Variants in SMYD5 observed in about 807,000 individuals in gnomAD.
SMYD5 encodes SMYD family member 5.
Under a neutral mutation model 57.4 loss-of-function variants are expected in SMYD5, and 35 were observed. The ratio of observed to expected loss-of-function variants is 0.61; its 90% CI spans 0.47 to 0.81. The LOEUF is 0.81. Ranked by LOEUF, SMYD5 falls within the 30% of genes least tolerant of loss-of-function variation. The pLI, the probability that SMYD5 is intolerant of heterozygous loss-of-function variation, is 0.00. For synonymous variants in SMYD5, 198 were observed against 189.7 expected, an observed-to-expected ratio of 1.04 and a Z score of -0.36; for missense variants, 471 against 527.9, an observed-to-expected ratio of 0.89 and a Z score of 1.06.
chr2:73,225,234 T>C (rs1574342754), intron 11 of SMYD5: 5 of 481,840 alleles, frequency 1.0e-5, no homozygotes, highest in African/African-American at 3.9e-5. Flanking sequence ...CAAATGCAGA[T>C]ATGTAATTTC....
chr2:73,222,278 A>G (rs573171667), intron 6 of SMYD5, among the ~76,000 whole-genome samples: 46 of 152,238 alleles, frequency 3.0e-4, no homozygotes, highest in Non-Finnish European at 5.1e-4. Context: ...GAAACTGCCC[A>G]TGTCCTGAGA....
Position 73,224,919 on chromosome 2 carries a change from C to G in SMYD5, c.994C>G (p.Leu332Val). Residue 332 changes from leucine to valine, a missense_variant, in exon 11 of 13, where the codon CTT becomes GTT. By Grantham distance (32) the Leu-to-Val change is conservative (BLOSUM62 1). Coordinates refer to ENST00000389501, the MANE Select transcript of SMYD5 (RefSeq NM_006062.3). ...AETSFPENNF[L>V]LHVTALEDIK... is the part of the protein sequence containing the mutation. ...GACCTCCTTTCCAGAAAACAACTTC[C>G]TTTTGCATGTCACTGCTCTGGAGGA... is the stretch of plus-strand genomic sequence containing the variant. 1.9e-6 allele frequency: 3 copies of G among 1,614,100 alleles called. No homozygotes were observed. Among genetic ancestry groups the G allele is most frequent in the Non-Finnish European group, 2.5e-6 (3 of 1,179,982 alleles).
chr2:73,220,545 C>G (rs1686365708), intron 3 of SMYD5, 116 bp from the exon 4 acceptor site: 8 of 1,254,738 alleles, frequency 6.4e-6, no homozygotes, highest in East Asian at 2.4e-5. Flanking sequence ...CCTATGTTTT[C>G]TCTTCTCATG....
intron 9 of SMYD5, 115 bp from the exon 10 acceptor site, chr2:73,223,832 C>A: frequency 1.1e-6 from 1 of 951,730 alleles, no homozygotes; most frequent in African/African-American, 1.6e-5. Context: ...GGACTGATGC[C>A]TTAGTGTGGT....
intron 1 of SMYD5, 59 bp downstream of exon 1, chr2:73,214,421 C>G: frequency 1.9e-6 from 3 of 1,609,514 alleles, no homozygotes; most frequent in South Asian, 2.2e-5. Context: ...GGAGACAGCC[C>G]GGCCGGACTC....
In SMYD5 at chr2:73,225,853, C is replaced by T; in HGVS notation, c.1164C>T (p.Pro388=). 1 of 1,614,116 alleles carries T rather than the reference C, an allele frequency of 6.2e-7. No individual in the cohort carries two copies. The highest frequency in any genetic ancestry group is 1.1e-5 in the South Asian group (1 of 91,082). ...AATGCCTGGCAGAGGCTGATGAACC[C>T]AATGTGACCTCAGAAGAGGAAGAGG... The part of the protein sequence containing the change: ...CPKCLAEADE[P]NVTSEEEEEE... Residue 388 remains proline (P), a synonymous_variant, in exon 13 of 13, where the codon CCC becomes CCT. Coordinates refer to ENST00000389501, the MANE Select transcript of SMYD5 (RefSeq NM_006062.3).
chr2:73,223,256 T>C (rs887512021), intron 8 of SMYD5, 150 bp downstream of exon 8: 22 of 840,762 alleles, frequency 2.6e-5, no homozygotes, highest in Admixed American at 1.5e-4. Context: ...GAATGAGGCA[T>C]TGGAATCTGT....
rs1686520622 is a variant in SMYD5 at position 73,226,978 on chromosome 2, T to G, written c.*1032T>G. 1 of 152,730 alleles carries G rather than the reference T, an allele frequency of 6.5e-6. No homozygotes were observed. The highest frequency in any genetic ancestry group is 6.5e-5 in the Admixed American group (1 of 15,284). The allele number at this position is 152,730 out of a possible 1,614,324, so 9.5% of individuals were successfully genotyped here. A position where few individuals can be genotyped will look rare whatever the true frequency, so the allele number is the denominator to read the frequency against. On this transcript the variant is annotated 3_prime_UTR_variant, in exon 13 of 13. Coordinates refer to ENST00000389501, the MANE Select transcript of SMYD5 (RefSeq NM_006062.3). ...AGCACCACCCCTCTCACTCTTGGGT[T>G]GGATGCTATGGGAATTACAACCCAT...
At chr2:73,214,690 G>A in intron 1 of SMYD5, 1 of 1,407,606 alleles carries the variant, frequency 7.1e-7, no homozygotes, top group South Asian at 1.2e-5. Flanking sequence ...GGATGTGCCG[G>A]GCAGAGAGAA....
At position 73,221,869 on chromosome 2, in the gene SMYD5, G is replaced by T. The variant is rs746437130; in HGVS notation, c.581G>T (p.Cys194Phe). The T allele has an allele frequency of 3.0e-5, 48 of 1,613,936 alleles. No homozygotes were observed. The highest frequency in any genetic ancestry group is 4.1e-5 in the Non-Finnish European group (48 of 1,179,938). Residue 194 changes from cysteine (C) to phenylalanine (F), a missense_variant, in exon 6 of 13, where the codon TGT becomes TTT. By Grantham distance (205) the Cys-to-Phe change is radical. Transcript: ENST00000389501. ...DRWIRLFSQF[C>F]NKTANEEEEI... ...TGGATCAGACTCTTTTCCCAGTTTT[G>T]TAACAAAACAGCCAATGAAGAGGAG...
rs1236579998 is a variant in SMYD5, at chr2:73,222,809, G to C, written c.697G>C (p.Val233Leu). 8 of 1,613,976 alleles carry C rather than the reference G, an allele frequency of 5.0e-6. No individual in the cohort carries two copies. Among genetic ancestry groups the C allele is most frequent in the Non-Finnish European group, 6.8e-6 (8 of 1,179,908 alleles). The change falls in exon 7 of 13, where the codon GTC becomes CTC. Residue 233 changes from valine to leucine, a missense_variant. Physicochemically the swap from Val to Leu is conservative, Grantham distance 32. Transcript: ENST00000389501. ...LFTEALYEEA[V>L]SQWFTPDGFR... ...CACAGAGGCCCTCTATGAGGAAGCA[G>C]TCAGCCAGGTGAGTGAGGAGAGGGT... is the stretch of plus-strand genomic sequence containing the variant.
At chr2:73,221,597 C>T (rs1686398250) in intron 5 of SMYD5, among the ~76,000 whole-genome samples, 1 of 152,074 alleles carries the variant, frequency 6.6e-6, no homozygotes, top group East Asian at 1.9e-4. Context: ...TCTAACCACC[C>T]TTCTATTAAT....
chr2:73,215,902 A>G (rs1686286136), intron 1 of SMYD5, among the ~76,000 whole-genome samples: 1 of 151,906 alleles, frequency 6.6e-6, no homozygotes, highest in African/African-American at 2.4e-5. Context: ...ATTTTCCTCA[A>G]GTTGCCACAT....
In SMYD5 at chr2:73,226,108, A is replaced by T; in HGVS notation, c.*162A>T. 1 of 979,022 alleles carries T rather than the reference A, an allele frequency of 1.0e-6. No homozygotes were observed. The highest frequency in any genetic ancestry group is 1.5e-6 in the Non-Finnish European group (1 of 682,310). 60.6% of individuals were successfully genotyped at this position (979,022 alleles called of 1,614,324 possible). ...GGAGAGAGCCTGGATCTCTGGCCCC[A>T]ACCCCCACCAGACCTCATGCCCTGG... On this transcript the variant is annotated 3_prime_UTR_variant, in exon 13 of 13. Coordinates refer to ENST00000389501, the MANE Select transcript of SMYD5 (RefSeq NM_006062.3).
chr2:73,221,836 A>G lies in SMYD5; in HGVS notation c.548A>G (p.Lys183Arg). The change falls in exon 6 of 13, where the codon AAG becomes AGG. Residue 183 changes from lysine (K) to arginine (R), a missense_variant. Physicochemically the swap from Lys to Arg is conservative, Grantham distance 26. Transcript: ENST00000389501. The stretch of plus-strand genomic sequence containing the variant: ...GTTTGTTCACTGCAGGCGAAGGACA[A>G]GGACCGTTGGATCAGACTCTTTTCC... ...MVATVKQAKDKDRWIRLFSQF... is the reference protein window; with the variant it reads ...MVATVKQAKDRDRWIRLFSQF... 6.2e-7 allele frequency: 1 copy of G among 1,613,352 alleles called. No individual in the cohort carries two copies. Among genetic ancestry groups the G allele is most frequent in the Non-Finnish European group, 8.5e-7 (1 of 1,179,252 alleles).
At chr2:73,220,808 C>A in intron 4 of SMYD5, 26 bp downstream of exon 4, 1 of 1,611,594 alleles carries the variant, frequency 6.2e-7, no homozygotes, top group Non-Finnish European at 8.5e-7. Context: ...TCTCTTCTTT[C>A]CTTTATCCTT....
chr2:73,223,580 A>G, intron 9 of SMYD5, 48 bp downstream of exon 9: 1 of 1,250,954 alleles, frequency 8.0e-7, no homozygotes, highest in Non-Finnish European at 1.2e-6. Flanking sequence ...CGACCCCCCC[A>G]GTCAGATGGT....
At chr2:73,217,287 G>C (rs765298476) in intron 1 of SMYD5, among the ~76,000 whole-genome samples, 22 of 152,108 alleles carry the variant, frequency 1.4e-4, no homozygotes, top group Non-Finnish European at 3.1e-4. Context: ...TGTTTTCCTT[G>C]AAATATGGTC....
chr2:73,223,204 A>G, intron 8 of SMYD5, 98 bp downstream of exon 8: 1 of 1,022,668 alleles, frequency 9.8e-7, no homozygotes, highest in Non-Finnish European at 1.6e-6. Flanking sequence ...GTAGGGTGGG[A>G]CTCTGGACAG....
Sources: allele counts gnomAD v4.1 joint callset (sites outside exome capture counted in the v4.1 genomes callset), GRCh38; gene constraint gnomAD v4.1.1; transcripts MANE v1.5; gene names NCBI Gene and HGNC (gene_info 2026-07-23, HGNC 2026-07-21).